The following TNIK variants were observed in gnomAD, a reference collection of about 807,000 sequenced individuals.
TNIK encodes TRAF2 and NCK interacting kinase.
Under a neutral mutation model 191.3 loss-of-function variants are expected in TNIK, and 49 were observed. The ratio of observed to expected loss-of-function variants is 0.26; its 90% CI spans 0.20 to 0.32. The LOEUF (loss-of-function observed/expected upper bound fraction) is 0.32. TNIK is among the 10% of genes least tolerant of loss of function. The pLI is 1.00. For synonymous variants in TNIK, 594 were observed against 600.9 expected, an observed-to-expected ratio of 0.99 and a Z score of 0.17; for missense variants, 1,155 against 1,702.3, an observed-to-expected ratio of 0.68 and a Z score of 5.66.
At chr3:171,110,989 C>T in intron 18 of TNIK, 112 bp from the exon 19 acceptor site, 1 of 1,078,586 alleles carries the variant, frequency 9.3e-7, no homozygotes, top group Non-Finnish European at 1.2e-6. Context: ...CAAAACAGCT[C>T]AATAGCAAGA....
At chr3:171,112,975 GGTGTGTGCATGT>G (rs1032085389) in intron 18 of TNIK, among the ~76,000 whole-genome samples, 7 of 152,040 alleles carry the variant, frequency 4.6e-5, no homozygotes, top group South Asian at 2.1e-4. Context: ...CTAAGTTTGG[GGTGTGTGCATGT>G]GTGTGTGCAT....
chr3:171,263,265 C>T (rs1455090109), intron 2 of TNIK, among the ~76,000 whole-genome samples: 3 of 152,142 alleles, frequency 2.0e-5, no homozygotes, highest in African/African-American at 7.2e-5. Flanking sequence ...AAAAACTCTG[C>T]CAGGTGACCA....
chr3:171,453,607 C>T (rs929891682), intron 1 of TNIK, among the ~76,000 whole-genome samples: 1 of 152,118 alleles, frequency 6.6e-6, no homozygotes, highest in East Asian at 1.9e-4. Flanking sequence ...CAGATTGAAA[C>T]TGTGCGTTTG....
chr3:171,316,250 T>C (rs1031813851), intron 2 of TNIK, among the ~76,000 whole-genome samples: 2 of 152,078 alleles, frequency 1.3e-5, no homozygotes, highest in African/African-American at 4.8e-5. Context: ...AAATAATCGT[T>C]GAATGAATGT....
intron 3 of TNIK, among the ~76,000 whole-genome samples, chr3:171,216,745 T>C (rs1741500186): frequency 6.6e-6 from 1 of 152,150 alleles, no homozygotes; most frequent in Non-Finnish European, 1.5e-5. Flanking sequence ...TTATGCAGCT[T>C]TGGGTCTGTT....
chr3:171,327,709 AG>A (rs1755931386), intron 2 of TNIK, among the ~76,000 whole-genome samples: 1 of 151,864 alleles, frequency 6.6e-6, no homozygotes, highest in Admixed American at 6.6e-5. Context: ...GTGGGAGCAA[AG>A]GGGGGTGTGT....
intron 4 of TNIK, among the ~76,000 whole-genome samples, chr3:171,198,374 C>G (rs1192716050): frequency 6.6e-6 from 1 of 151,882 alleles, no homozygotes; most frequent in Non-Finnish European, 1.5e-5. Context: ...TAGTGGATGC[C>G]AGGGACTGGG....
chr3:171,395,984 C>T (rs1428656511), intron 1 of TNIK, among the ~76,000 whole-genome samples: 1 of 152,102 alleles, frequency 6.6e-6, no homozygotes, highest in African/African-American at 2.4e-5. Flanking sequence ...TCAAAGTTTA[C>T]AAGTCAATGG....
At chr3:171,080,275 C>G (rs913875999) in intron 27 of TNIK, among the ~76,000 whole-genome samples, 23 of 152,232 alleles carry the variant, frequency 1.5e-4, no homozygotes, top group Middle Eastern at 3.4e-3. Context: ...GAAGAGTACA[C>G]AAGTAGCAAA....
rs189090826 is a variant in TNIK, at chr3:171,252,642, G to A, written c.124-24421C>T. ...CTACCAGTGGGAATTAAATTAGAGCGATATTTTACATCATTGCATAGCATT... is the reference window on the plus strand; with the variant it reads ...CTACCAGTGGGAATTAAATTAGAGCAATATTTTACATCATTGCATAGCATT... On this transcript the variant is annotated intron_variant, in intron 2 of 32. Transcript: ENST00000436636. Among the ~76,000 whole-genome samples the A allele has an allele frequency of 1.2e-3, 189 of 152,268 alleles. 2 individuals carry two copies. Among genetic ancestry groups the A allele is most frequent in the African/African-American group, 3.6e-3 (151 of 41,546 alleles).
Position 171,440,936 on chromosome 3 carries a change from A to C in TNIK, c.57+19071T>G, listed in dbSNP as rs376660667. On this transcript the variant is annotated intron_variant, in intron 1 of 32. Coordinates refer to ENST00000436636, the MANE Select transcript of TNIK (RefSeq NM_015028.4). ...CCTGGCCCCAAAGTCCTTTCTCTAC[A>C]GGAGGAATAAGTTATTTGAGCTACC... Among the ~76,000 whole-genome samples the C allele has an allele frequency of 4.6e-5, 7 of 152,358 alleles. No homozygotes were observed. In the East Asian group the frequency reaches 1.2e-3, roughly 25 times the overall value.
In TNIK at chr3:171,273,877, T is replaced by C. The variant is rs562855626; in HGVS notation, c.124-45656A>G. ...AGGGACATTAGAGTGAGAATATCTG[T>C]GAATTAACAGCCTGATTTACTTTAA... On this transcript the variant is annotated intron_variant, in intron 2 of 32. Coordinates refer to ENST00000436636, the MANE Select transcript of TNIK (RefSeq NM_015028.4). Among the ~76,000 whole-genome samples, 32 of 152,346 alleles carry C rather than the reference T, an allele frequency of 2.1e-4. No individual in the cohort carries two copies. The South Asian group carries it at 3.7e-3, about 18-fold the overall frequency.
At chr3:171,421,856 C>T (rs34792060) in intron 1 of TNIK, among the ~76,000 whole-genome samples, 55,614 of 150,988 alleles carry the variant, frequency 0.37, 12,119 homozygotes, top group Non-Finnish European at 0.48. Flanking sequence ...CTCAGCCTCC[C>T]GAGTAGCTGG....
At chr3:171,377,509 A>G (rs1717425235) in intron 1 of TNIK, among the ~76,000 whole-genome samples, 1 of 152,268 alleles carries the variant, frequency 6.6e-6, no homozygotes, top group Non-Finnish European at 1.5e-5. Flanking sequence ...ACAATAAGCT[A>G]TAATAGGCAT....
intron 2 of TNIK, among the ~76,000 whole-genome samples, chr3:171,277,288 C>T (rs1198212000): frequency 1.3e-5 from 2 of 152,098 alleles, no homozygotes; most frequent in African/African-American, 2.4e-5. Context: ...ATTCTCATTT[C>T]TCTATAAATT....
intron 2 of TNIK, among the ~76,000 whole-genome samples, chr3:171,326,437 TTCCTTC>T (rs1755754398): frequency 6.6e-6 from 1 of 151,156 alleles, no homozygotes; most frequent in Non-Finnish European, 1.5e-5. Flanking sequence ...TTATGTGCAT[TTCCTTC>T]TCCCACAAGA....
At position 171,087,336 on chromosome 3, in the gene TNIK, A is replaced by AC; in HGVS notation, c.2886+5dup. The AC allele has an allele frequency of 6.2e-7, 1 of 1,613,796 alleles. No homozygotes were observed. The highest frequency in any genetic ancestry group is 8.5e-7 in the Non-Finnish European group (1 of 1,179,846). ...ACTGTCATGTCAGCTGTTGCCCAGC[A>AC]CCTACTTCAGTCCCAGAGTCCATCT... On this transcript the variant is annotated splice_donor_region_variant and intron_variant, in intron 24 of 32. Transcript: ENST00000436636.
intron 2 of TNIK, among the ~76,000 whole-genome samples, chr3:171,281,222 T>A (rs1160256911): frequency 6.6e-6 from 1 of 152,106 alleles, no homozygotes; most frequent in East Asian, 1.9e-4. Flanking sequence ...TAAAGCATTG[T>A]AATAGAAGAG....
intron 11 of TNIK, among the ~76,000 whole-genome samples, chr3:171,160,351 C>G (rs879578754): frequency 6.6e-6 from 1 of 152,122 alleles, no homozygotes; most frequent in African/African-American, 2.4e-5. Flanking sequence ...CTGGCTCATT[C>G]TAGCAGTGGT....
Sources: allele counts gnomAD v4.1 joint callset (sites outside exome capture counted in the v4.1 genomes callset), GRCh38; gene constraint gnomAD v4.1.1; transcripts MANE v1.5; gene names NCBI Gene and HGNC (gene_info 2026-07-23, HGNC 2026-07-21).